CD44: variants seen among roughly 807,000 people sequenced by gnomAD.
CD44 encodes the protein CD44 molecule (IN blood group).
CD44 carries 49 observed loss-of-function variants against 88.8 expected under a neutral mutation model. The observed-to-expected ratio is 0.55, with a 90% confidence interval of 0.44 to 0.70. The LOEUF is 0.70. CD44 is among the 30% of genes least tolerant of loss of function. The probability of loss-of-function intolerance (pLI) is 0.00; values close to 1 mark genes in which losing one functional copy is unlikely to be tolerated. For synonymous variants in CD44, 325 were observed against 312.3 expected, an observed-to-expected ratio of 1.04 and a Z score of -0.43; for missense variants, 883 against 913.8, an observed-to-expected ratio of 0.97 and a Z score of 0.43.
intron 10 of CD44, 112 bp downstream of exon 10, chr11:35,204,752 G>A: frequency 1.0e-6 from 1 of 969,338 alleles, no homozygotes; most frequent in South Asian, 1.6e-5. Context: ...CGAGATGTTA[G>A]GTTACTTAAT....
intron 16 of CD44, 47 bp from the exon 17 acceptor site, chr11:35,221,607 A>C: frequency 1.3e-6 from 2 of 1,527,624 alleles, no homozygotes; most frequent in Non-Finnish European, 1.8e-6. Context: ...GTTTTTACAA[A>C]GTGTGTCTCT....
chr11:35,195,246 G>A (rs1946625435), intron 5 of CD44, among the ~76,000 whole-genome samples: 1 of 152,084 alleles, frequency 6.6e-6, no homozygotes. Flanking sequence ...AAATAACTAG[G>A]CATTCTTTCT....
At chr11:35,208,079 A>C (rs1049416017) in intron 11 of CD44, 26 bp from the exon 12 acceptor site, 2 of 1,388,912 alleles carry the variant, frequency 1.4e-6, no homozygotes, top group Admixed American at 1.7e-5. Context: ...GAAATCAAGC[A>C]ATAACACTAA....
Position 35,139,236 on chromosome 11 carries a change from G to T in CD44, c.-68G>T, listed in dbSNP as rs1025514975. Reference sequence around the variant, plus strand: ...CGCCATCCTCGTCCCGTCCTCCGCCGGCCCCTGCCCCGCGCCCAGGGATCC... The same window carrying T: ...CGCCATCCTCGTCCCGTCCTCCGCCTGCCCCTGCCCCGCGCCCAGGGATCC... On this transcript the variant is annotated 5_prime_UTR_variant, in exon 1 of 18. Transcript: ENST00000428726. 6.1e-6 allele frequency: 8 copies of T among 1,301,058 alleles called. No homozygotes were observed. The highest frequency in any genetic ancestry group is 1.5e-5 in the African/African-American group (1 of 67,928). The allele number at this position is 1,301,058 out of a possible 1,614,324, so 80.6% of individuals were successfully genotyped here. A position where few individuals can be genotyped will look rare whatever the true frequency, so the allele number is the denominator to read the frequency against.
At chr11:35,160,085 G>A (rs1041305179) in intron 1 of CD44, among the ~76,000 whole-genome samples, 1 of 152,212 alleles carries the variant, frequency 6.6e-6, no homozygotes, top group Admixed American at 6.5e-5. Flanking sequence ...AAGGTGCCAG[G>A]TGGGGGATGC....
chr11:35,201,839 T>A (rs1412135312), intron 9 of CD44, 52 bp downstream of exon 9: 1 of 1,579,834 alleles, frequency 6.3e-7, no homozygotes, highest in Non-Finnish European at 8.6e-7. Flanking sequence ...AGTAAAGACA[T>A]TCCAGCAATA....
chr11:35,192,797 T>C (rs1163713902), intron 5 of CD44, among the ~76,000 whole-genome samples: 1 of 150,706 alleles, frequency 6.6e-6, no homozygotes, highest in Non-Finnish European at 1.5e-5. Flanking sequence ...TTTCTTTTTT[T>C]TTTTTTTTTT....
intron 1 of CD44, among the ~76,000 whole-genome samples, chr11:35,155,347 A>G (rs1034677968): frequency 1.3e-5 from 2 of 152,218 alleles, no homozygotes; most frequent in African/African-American, 4.8e-5. Flanking sequence ...GTGGGCTACA[A>G]TGAGTAAGGG....
chr11:35,139,343 C>T lies in CD44; in HGVS notation c.40C>T (p.Leu14Phe), dbSNP rs1489711013. 1 of 1,561,760 alleles carries T rather than the reference C, an allele frequency of 6.4e-7. No homozygotes were observed. The highest frequency in any genetic ancestry group is 2.4e-5 in the East Asian group (1 of 42,180). Residue 14 changes from leucine to phenylalanine, a missense_variant, in exon 1 of 18, where the codon CTC (leucine) becomes TTC (phenylalanine). Around this residue, in one of 2 missense-constraint regions of CD44, gnomAD observed 252 missense variants for 322.9 expected, o/e 0.78. Transcript: ENST00000428726. ...GTGGCACGCAGCCTGGGGACTCTGC[C>T]TCGTGCCGCTGAGCCTGGCGCAGAT... ...FWWHAAWGLCLVPLSLAQIDL... is the reference protein window; with the variant it reads ...FWWHAAWGLCFVPLSLAQIDL...
chr11:35,177,375 G>A (rs1288108925), intron 2 of CD44, among the ~76,000 whole-genome samples: 1 of 152,194 alleles, frequency 6.6e-6, no homozygotes, highest in Non-Finnish European at 1.5e-5. Context: ...AACAAGCAAG[G>A]ACTTTATTTT....
intron 1 of CD44, among the ~76,000 whole-genome samples, chr11:35,162,097 A>G (rs1353765609): frequency 6.6e-6 from 1 of 152,226 alleles, no homozygotes; most frequent in African/African-American, 2.4e-5. Flanking sequence ...TTGAGGGCAC[A>G]GATCGTGTCT....
At chr11:35,185,400 T>C (rs1945559136) in intron 3 of CD44, among the ~76,000 whole-genome samples, 1 of 152,234 alleles carries the variant, frequency 6.6e-6, no homozygotes, top group Non-Finnish European at 1.5e-5. Context: ...GTTATCCTTT[T>C]TATCTGTGGG....
At chr11:35,221,767 A>G in intron 17 of CD44, 35 bp downstream of exon 17, 4 of 1,566,754 alleles carry the variant, frequency 2.6e-6, no homozygotes, top group South Asian at 1.1e-5. Context: ...CAACTTGGAA[A>G]GGGCATCATT....
At chr11:35,179,916 G>T (rs1321217605) in intron 2 of CD44, among the ~76,000 whole-genome samples, 1 of 152,158 alleles carries the variant, frequency 6.6e-6, no homozygotes, top group East Asian at 1.9e-4. Context: ...GAGCCAGCAT[G>T]AATCTTACAT....
At chr11:35,201,918 C>A (rs909926975) in intron 9 of CD44, 131 bp downstream of exon 9, 3 of 987,958 alleles carry the variant, frequency 3.0e-6, no homozygotes, top group Non-Finnish European at 4.4e-6. Flanking sequence ...ATTCTTAGAG[C>A]CTGAAAAGCT....
At chr11:35,186,742 T>A (rs967832811) in intron 3 of CD44, 90 bp from the exon 4 acceptor site, 2 of 779,634 alleles carry the variant, frequency 2.6e-6, no homozygotes, top group African/African-American at 1.7e-5. Context: ...TAAGTTATAG[T>A]AAAACTCCAT....
chr11:35,222,812 C>T (rs1450113437), intron 17 of CD44: 1 of 984,972 alleles, frequency 1.0e-6, no homozygotes, highest in East Asian at 1.1e-4. Flanking sequence ...GATGGTTTCT[C>T]ATAAGGTAAA....
intron 1 of CD44, among the ~76,000 whole-genome samples, chr11:35,161,364 G>A (rs1024525287): frequency 6.6e-6 from 1 of 152,184 alleles, no homozygotes; most frequent in Non-Finnish European, 1.5e-5. Context: ...GCCAGGACTT[G>A]GACCCAAGTC....
chr11:35,210,810 A>C (rs868354359), intron 13 of CD44: 1 of 172,682 alleles, frequency 5.8e-6, no homozygotes, highest in Non-Finnish European at 1.3e-5. Context: ...TAGTAGCCTC[A>C]GGCCTTTGAA....
Sources: gnomAD v4.1 joint callset for allele counts (sites outside exome capture counted in the v4.1 genomes callset) on GRCh38, gnomAD v4.1.1 for gene constraint, gnomAD v4.1.1 regional missense constraint, MANE v1.5 for transcripts, NCBI Gene and HGNC (gene_info 2026-07-23, HGNC 2026-07-21) for gene names.